Variants in COL24A1 observed in about 807,000 individuals in gnomAD.
COL24A1 encodes the protein collagen alpha-1(XXIV) chain.
A neutral mutation model predicts 253.9 loss-of-function variants in COL24A1; 224 were observed. That is an observed-to-expected ratio of 0.88 (90% CI 0.79 to 0.99). The LOEUF (loss-of-function observed/expected upper bound fraction) is 0.99. COL24A1 is among the 50% of genes least tolerant of loss of function. The pLI, the probability that COL24A1 is intolerant of heterozygous loss-of-function variation, is 0.00. For missense variants in COL24A1, 2,131 were observed against 2,068.5 expected, an observed-to-expected ratio of 1.03 and a Z score of -0.59; for synonymous variants, 685 against 673.7, an observed-to-expected ratio of 1.02 and a Z score of -0.26.
chr1:85,736,472 T>TC lies in COL24A1; in HGVS notation c.4782+923dup, dbSNP rs1324283517. 4 of 456,290 alleles carry TC rather than the reference T, an allele frequency of 8.8e-6. No individual in the cohort carries two copies. The East Asian group carries it at 2.8e-4, about 32-fold the overall frequency. 28.3% of individuals were successfully genotyped at this position (456,290 alleles called of 1,614,324 possible). A position where few individuals can be genotyped will look rare whatever the true frequency, so the allele number is the denominator to read the frequency against. On this transcript the variant is annotated intron_variant, in intron 58 of 59. Coordinates refer to ENST00000370571, the MANE Select transcript of COL24A1 (RefSeq NM_152890.7). ...TGTGGATATTTTGGAAGTAGGACTA[T>TC]CATGCTGCTCTTTATTAGAGGTTCA... is the stretch of plus-strand genomic sequence containing the variant.
intron 10 of COL24A1, among the ~76,000 whole-genome samples, chr1:86,052,703 T>C (rs977462991): frequency 6.6e-6 from 1 of 152,066 alleles, no homozygotes; most frequent in Non-Finnish European, 1.5e-5. Flanking sequence ...ACTGACCACA[T>C]ACTTTAAGAG....
At chr1:86,063,216 T>TTCC (rs140959282) in intron 8 of COL24A1, among the ~76,000 whole-genome samples, 22,859 of 152,018 alleles carry the variant, frequency 0.15, 1,830 homozygotes, top group Middle Eastern at 0.21. Flanking sequence ...TGGACAATGA[T>TTCC]ATATGTACCA....
chr1:86,012,381 A>T (rs951126375), intron 19 of COL24A1, among the ~76,000 whole-genome samples: 1 of 152,126 alleles, frequency 6.6e-6, no homozygotes, highest in African/African-American at 2.4e-5. Context: ...CGAGGTCAGG[A>T]GATCAAGACT....
intron 57 of COL24A1, among the ~76,000 whole-genome samples, chr1:85,743,632 A>G (rs927341478): frequency 8.5e-5 from 13 of 152,108 alleles, no homozygotes; most frequent in Non-Finnish European, 1.6e-4. Flanking sequence ...TTTGAATTAC[A>G]TTTCATACTA....
At chr1:85,747,907 GA>G (rs201576602) in intron 55 of COL24A1, among the ~76,000 whole-genome samples, 2,540 of 152,180 alleles carry the variant, frequency 0.017, 35 homozygotes, top group Admixed American at 0.032. Flanking sequence ...GCTTATACAT[GA>G]TTTTATTAAC....
At chr1:85,885,991 C>A (rs1391012571) in intron 32 of COL24A1, among the ~76,000 whole-genome samples, 2 of 151,888 alleles carry the variant, frequency 1.3e-5, no homozygotes, top group Non-Finnish European at 2.9e-5. Flanking sequence ...ACAACTTTCA[C>A]ATTATGATTT....
At chr1:86,051,050 A>C (rs2101683056) in intron 10 of COL24A1, among the ~76,000 whole-genome samples, 1 of 152,236 alleles carries the variant, frequency 6.6e-6, no homozygotes, top group South Asian at 2.1e-4. Context: ...CTGTATTTCT[A>C]AAAGATTAAT....
At chr1:86,088,612 T>A (rs1703250284) in intron 7 of COL24A1, among the ~76,000 whole-genome samples, 1 of 152,190 alleles carries the variant, frequency 6.6e-6, no homozygotes, top group Non-Finnish European at 1.5e-5. Flanking sequence ...ACATGACTAC[T>A]GTTTTTCACT....
At chr1:85,737,839 C>T (rs1285132309) in intron 57 of COL24A1, among the ~76,000 whole-genome samples, 1 of 124,136 alleles carries the variant, frequency 8.1e-6, no homozygotes, top group Non-Finnish European at 1.9e-5. Flanking sequence ...GTTGGGATTA[C>T]AGGCGTGAGC....
chr1:85,965,335 T>C (rs187750694), intron 22 of COL24A1, among the ~76,000 whole-genome samples: 2 of 151,952 alleles, frequency 1.3e-5, no homozygotes, highest in African/African-American at 4.8e-5. Context: ...AGAATAACAA[T>C]GTTTTAAAAA....
intron 43 of COL24A1, among the ~76,000 whole-genome samples, chr1:85,832,721 T>A (rs547940055): frequency 6.6e-6 from 1 of 151,598 alleles, no homozygotes; most frequent in African/African-American, 2.4e-5. Context: ...GATTTGGCTC[T>A]CTGTTTGTCT....
intron 35 of COL24A1, among the ~76,000 whole-genome samples, chr1:85,873,107 G>A (rs1438734225): frequency 6.6e-6 from 1 of 152,166 alleles, no homozygotes; most frequent in Non-Finnish European, 1.5e-5. Context: ...CTGGCCATCA[G>A]AGAAATGCAA....
chr1:85,964,083 T>G (rs1314716237), intron 23 of COL24A1, among the ~76,000 whole-genome samples: 1 of 152,090 alleles, frequency 6.6e-6, no homozygotes, highest in Non-Finnish European at 1.5e-5. Context: ...TTGTTTAGCT[T>G]TTCGTTAGGT....
intron 58 of COL24A1, chr1:85,736,116 T>C (rs1664022473): frequency 6.1e-6 from 2 of 326,826 alleles, no homozygotes; most frequent in Non-Finnish European, 6.1e-6. Flanking sequence ...ATGGTTGTTA[T>C]GAGGATTAAA....
chr1:86,132,400 T>C (rs867271267), intron 2 of COL24A1, among the ~76,000 whole-genome samples: 1 of 152,294 alleles, frequency 6.6e-6, no homozygotes, highest in Non-Finnish European at 1.5e-5. Context: ...TTGGCTTTTG[T>C]TGCCATTGCT....
chr1:85,948,634 T>G (rs1034651609), intron 24 of COL24A1, among the ~76,000 whole-genome samples: 1 of 151,424 alleles, frequency 6.6e-6, no homozygotes, highest in Non-Finnish European at 1.5e-5. Flanking sequence ...AATGTCATCA[T>G]GTGTTTCTGT....
chr1:85,872,940 C>T (rs568372395), intron 35 of COL24A1, among the ~76,000 whole-genome samples: 2 of 152,290 alleles, frequency 1.3e-5, no homozygotes, highest in East Asian at 3.9e-4. Context: ...ATCTACCCAT[C>T]TTTCAAAGGG....
intron 19 of COL24A1, among the ~76,000 whole-genome samples, chr1:85,988,257 T>C (rs1186078207): frequency 6.6e-6 from 1 of 152,004 alleles, no homozygotes; most frequent in Non-Finnish European, 1.5e-5. Context: ...ACAAGTTCCA[T>C]CATTAATTAA....
At chr1:85,795,734 AAATT>A (rs1227369982) in intron 47 of COL24A1, among the ~76,000 whole-genome samples, 1 of 152,156 alleles carries the variant, frequency 6.6e-6, no homozygotes, top group Non-Finnish European at 1.5e-5. Flanking sequence ...ATAATAAGAA[AAATT>A]AATTTAAAAT....
Sources: allele counts gnomAD v4.1 joint callset (sites outside exome capture counted in the v4.1 genomes callset), GRCh38; gene constraint gnomAD v4.1.1; transcripts MANE v1.5; gene names NCBI Gene and HGNC (gene_info 2026-07-23, HGNC 2026-07-21).